Variants in GALNT13 observed in about 807,000 individuals in gnomAD.
GALNT13 encodes the protein polypeptide N-acetylgalactosaminyltransferase 13, also known as UDP-GalNAc:polypeptide N-acetylgalactosaminyltransferase 13.
Under a neutral mutation model 64.2 loss-of-function variants are expected in GALNT13, and 28 were observed. That is an observed-to-expected ratio of 0.44 (90% confidence interval 0.32 to 0.60). The LOEUF (loss-of-function observed/expected upper bound fraction) is 0.60, where lower values mean the gene tolerates loss of function less well. GALNT13 is among the 20% of genes least tolerant of loss of function. The pLI is 0.05. For missense variants in GALNT13, 577 were observed against 669.8 expected, an observed-to-expected ratio of 0.86 and a Z score of 1.53; for synonymous variants, 214 against 224.6, an observed-to-expected ratio of 0.95 and a Z score of 0.42.
chr2:154,042,695 C>CATATATATATATATAT (rs70981696), intron 3 of GALNT13, among the ~76,000 whole-genome samples: 7 of 107,928 alleles, frequency 6.5e-5, no homozygotes, highest in East Asian at 2.6e-4. Context: ...TATCATTATG[C>CATATATATATATATAT]ATATATATAT....
chr2:153,513,483 A>G, the GALNT13 span, among the ~76,000 whole-genome samples: 1 of 152,218 alleles, frequency 6.6e-6, no homozygotes, highest in South Asian at 2.1e-4. Context: ...CTGAATAAGA[A>G]AATAATCTGA....
At chr2:154,354,641 A>G (rs1028369207) in intron 9 of GALNT13, among the ~76,000 whole-genome samples, 1 of 150,042 alleles carries the variant, frequency 6.7e-6, no homozygotes, top group Non-Finnish European at 1.5e-5. Context: ...GAATGTGGAA[A>G]CTCACTTCTG....
At chr2:153,382,809 C>A in the GALNT13 span, among the ~76,000 whole-genome samples, 1 of 151,910 alleles carries the variant, frequency 6.6e-6, no homozygotes, top group African/African-American at 2.4e-5. Flanking sequence ...TACTCTATGA[C>A]AAAATCCTGC....
At chr2:153,664,646 TA>T in the GALNT13 span, among the ~76,000 whole-genome samples, 1 of 152,200 alleles carries the variant, frequency 6.6e-6, no homozygotes, top group Non-Finnish European at 1.5e-5. Flanking sequence ...CTTCATAATT[TA>T]TGTTCAGAGA....
intron 3 of GALNT13, among the ~76,000 whole-genome samples, chr2:153,999,270 CTTTTT>C (rs35266639): frequency 1.4e-5 from 2 of 141,384 alleles, no homozygotes; most frequent in Non-Finnish European, 3.1e-5. Context: ...TATGAACTTC[CTTTTT>C]TTTTTTTTTT....
the GALNT13 span, among the ~76,000 whole-genome samples, chr2:153,202,220 A>G: frequency 2.6e-5 from 4 of 151,840 alleles, no homozygotes; most frequent in African/African-American, 7.3e-5. Context: ...TCCTGACCTC[A>G]TGATCCACCC....
At chr2:154,348,808 T>G (rs552112007) in intron 9 of GALNT13, among the ~76,000 whole-genome samples, 9 of 152,238 alleles carry the variant, frequency 5.9e-5, no homozygotes, top group African/African-American at 2.2e-4. Flanking sequence ...CTCCGGAGTT[T>G]GCATGTTATT....
intron 3 of GALNT13, among the ~76,000 whole-genome samples, chr2:154,037,364 C>A: frequency 6.6e-6 from 1 of 151,994 alleles, no homozygotes; most frequent in East Asian, 1.9e-4. Context: ...ATAATAAAGG[C>A]TATATATAAC....
chr2:153,329,919 A>G, the GALNT13 span, among the ~76,000 whole-genome samples: 1 of 152,134 alleles, frequency 6.6e-6, no homozygotes, highest in African/African-American at 2.4e-5. Flanking sequence ...GGTCTTACGT[A>G]TGAATGTTTA....
At chr2:153,626,865 G>A in the GALNT13 span, among the ~76,000 whole-genome samples, 2 of 152,060 alleles carry the variant, frequency 1.3e-5, no homozygotes, top group African/African-American at 4.8e-5. Flanking sequence ...CTGAGCGCTG[G>A]TTTGAATTCA....
intron 12 of GALNT13, among the ~76,000 whole-genome samples, chr2:154,444,444 A>G (rs1414577949): frequency 6.6e-6 from 1 of 152,132 alleles, no homozygotes; most frequent in Non-Finnish European, 1.5e-5. Context: ...CTTTCAATAC[A>G]GCAAGAAATG....
the GALNT13 span, among the ~76,000 whole-genome samples, chr2:153,690,470 G>T: frequency 2.6e-5 from 4 of 152,098 alleles, no homozygotes; most frequent in Admixed American, 2.6e-4. Context: ...AAGAATCTCA[G>T]TTTAAAGCTT....
At chr2:154,115,705 G>A (rs1251171400) in intron 3 of GALNT13, among the ~76,000 whole-genome samples, 2 of 152,100 alleles carry the variant, frequency 1.3e-5, no homozygotes, top group Admixed American at 1.3e-4. Flanking sequence ...ACAGGTGTGA[G>A]CCACCATGCC....
chr2:153,138,783 G>A, the GALNT13 span, among the ~76,000 whole-genome samples: 16 of 152,042 alleles, frequency 1.1e-4, no homozygotes, highest in African/African-American at 1.7e-4. Flanking sequence ...CACAGCTTTC[G>A]CAATCTCTTG....
the GALNT13 span, among the ~76,000 whole-genome samples, chr2:153,819,651 GATACATACTCACCTGCTATGCC>G: frequency 1.3e-5 from 2 of 152,184 alleles, no homozygotes; most frequent in Admixed American, 1.3e-4. Flanking sequence ...AAAAGGATCA[GATACATACTCACCTGCTATGCC>G]ACAGCTAGTT....
chr2:154,099,008 T>C (rs1281973750), intron 3 of GALNT13, among the ~76,000 whole-genome samples: 2 of 152,070 alleles, frequency 1.3e-5, no homozygotes, highest in Non-Finnish European at 2.9e-5. Context: ...CCGTTTCCCA[T>C]AGAGGTTATG....
chr2:154,310,223 A>AC (rs1033145177), intron 9 of GALNT13, among the ~76,000 whole-genome samples: 6 of 152,178 alleles, frequency 3.9e-5, no homozygotes, highest in Admixed American at 3.9e-4. Context: ...AGTATTTCTT[A>AC]CCCCCACTAA....
chr2:154,277,895 T>C (rs147051413), intron 8 of GALNT13, among the ~76,000 whole-genome samples: 2 of 152,300 alleles, frequency 1.3e-5, no homozygotes, highest in Non-Finnish European at 2.9e-5. Context: ...ACATTTTTGG[T>C]ATGGAATTAT....
the GALNT13 span, among the ~76,000 whole-genome samples, chr2:153,691,180 C>A: frequency 1.3e-5 from 2 of 152,118 alleles, no homozygotes; most frequent in African/African-American, 2.4e-5. Flanking sequence ...ATGAATAAAT[C>A]TCTGAACATA....
Sources: gnomAD v4.1 joint callset for allele counts (sites outside exome capture counted in the v4.1 genomes callset) on GRCh38, gnomAD v4.1.1 for gene constraint, MANE v1.5 for transcripts, NCBI Gene and HGNC (gene_info 2026-07-23, HGNC 2026-07-21) for gene names.